CLCN4: variants seen among roughly 807,000 people sequenced by gnomAD.
CLCN4 encodes Cl-/H+ antiporter 4, also known as H(+)/Cl(-) exchange transporter 4.
CLCN4 carries 1 observed loss-of-function variant against 41.7 expected under a neutral mutation model. The ratio of observed to expected loss-of-function variants is 0.02; its 90% CI spans 0.01 to 0.11. The LOEUF is 0.11. Among genes scored for constraint, CLCN4 ranks in the 10% least tolerant of loss-of-function variants. The pLI is 1.00. For synonymous variants in CLCN4, 277 were observed against 285.8 expected (o/e 0.97, Z 0.31); for missense variants, 287 against 661.0 (o/e 0.43, Z 6.20).
Position 10,176,474 on chromosome X carries a change from C to A in CLCN4, c.-11-8548C>A, listed in dbSNP as rs778596567. Among the ~76,000 whole-genome samples the A allele has an allele frequency of 1.7e-3, 192 of 112,632 alleles. 1 individual carries two copies. Among genetic ancestry groups the A allele is most frequent in the Admixed American group, 3.6e-3 (39 of 10,717 alleles). ...CCGCGAAGCTGAAAAGATTTCCCAC[C>A]TGGACCTTTCTCAGAAACATTTGCA... On this transcript the variant is annotated intron_variant, in intron 2 of 12. Transcript: ENST00000380833.
At chrX:10,161,623 G>T (rs1446551758) in intron 2 of CLCN4, among the ~76,000 whole-genome samples, 2 of 111,413 alleles carry the variant, frequency 1.8e-5, no homozygotes, top group East Asian at 5.7e-4. Context: ...GACTGCTGCT[G>T]CTTTGATTAG....
intron 2 of CLCN4, among the ~76,000 whole-genome samples, chrX:10,184,794 C>G (rs758077723): frequency 8.9e-6 from 1 of 111,935 alleles, no homozygotes; most frequent in Non-Finnish European, 1.9e-5. Flanking sequence ...ACCCTGTATT[C>G]TCTTGGGAAC....
Position 10,213,672 on chromosome X carries a change from C to G in CLCN4, c.1577-9C>G, listed in dbSNP as rs767642024. The G allele has an allele frequency of 3.3e-6, 4 of 1,195,450 alleles. No homozygotes were observed. The African/African-American group carries it at 7.0e-5, about 21-fold the overall frequency. ...CACTTTGGAATCTTACTCCTCCCCT[C>G]TGTTGCAGGTGGAGTTACCAGGATG... is the stretch of plus-strand genomic sequence containing the variant. On this transcript the variant is annotated splice_polypyrimidine_tract_variant and intron_variant, in intron 10 of 12. Coordinates refer to ENST00000380833, the MANE Select transcript of CLCN4 (RefSeq NM_001830.4).
chrX:10,157,132 T>G (rs1274989797), intron 1 of CLCN4, 32 bp downstream of exon 1: 2 of 294,843 alleles, frequency 6.8e-6, no homozygotes, highest in East Asian at 9.6e-5. Flanking sequence ...AAAACAAATT[T>G]GAGAGGAGTG....
Position 10,187,533 on chromosome X carries a change from G to A in CLCN4, c.163G>A (p.Glu55Lys). The A allele has an allele frequency of 8.3e-7, 1 of 1,208,177 alleles. No homozygotes were observed. The highest frequency in any genetic ancestry group is 1.1e-6 in the Non-Finnish European group (1 of 892,228). Residue 55 changes from glutamate (E) to lysine (K), a missense_variant, in exon 4 of 13, where the codon GAG becomes AAG. Coordinates refer to ENST00000380833, the MANE Select transcript of CLCN4 (RefSeq NM_001830.4). The stretch of plus-strand genomic sequence containing the variant: ...GTTCTAGATCACCAGCAAGAGCAAG[G>A]AGTCCATATGGGAGTTCATCAAGAG... Reference protein sequence around the residue: ...RHRKITSKSKESIWEFIKSLL... With the variant: ...RHRKITSKSKKSIWEFIKSLL...
intron 2 of CLCN4, among the ~76,000 whole-genome samples, chrX:10,173,533 C>T (rs759907655): frequency 3.9e-4 from 43 of 111,429 alleles, no homozygotes; most frequent in African/African-American, 1.4e-3. Context: ...CCCCAGCCTC[C>T]CAGTCACGTG....
rs1318245433 is a variant in CLCN4, at chrX:10,214,143, C to T, written c.1975+64C>T. On this transcript the variant is annotated intron_variant, in intron 11 of 12. Transcript: ENST00000380833. The stretch of plus-strand genomic sequence containing the variant: ...CGAATGGCATCCTTTGTACCCCTAA[C>T]ATTATCCAAGATTTTTGAGGTGATG... 6.6e-6 allele frequency: 7 copies of T among 1,056,585 alleles called. No individual in the cohort carries two copies. In the South Asian group the frequency reaches 1.5e-4, roughly 22 times the overall value. 87.1% of individuals were successfully genotyped at this position (1,056,585 alleles called of 1,213,427 possible). A position where few individuals can be genotyped will look rare whatever the true frequency, so the allele number is the denominator to read the frequency against.
Position 10,158,405 on chromosome X carries a change from C to T in CLCN4, c.-158C>T, listed in dbSNP as rs1923007543. ...GGGTCTTCCCCCCACCCCGCGCACA[C>T]CTCCCTGCCTCGCCCCGAGGGCGTC... On this transcript the variant is annotated 5_prime_UTR_variant, in exon 2 of 13. Coordinates refer to ENST00000380833, the MANE Select transcript of CLCN4 (RefSeq NM_001830.4). The T allele has an allele frequency of 3.4e-6, 1 of 297,426 alleles. No homozygotes were observed. The highest frequency in any genetic ancestry group is 2.7e-5 in the African/African-American group (1 of 37,129). The allele number at this position is 297,426 out of a possible 1,213,427, so 24.5% of individuals were successfully genotyped here.
At chrX:10,211,265 CAAAAAAAAAAAAAA>C (rs71774120) in intron 9 of CLCN4, among the ~76,000 whole-genome samples, 1 of 48,808 alleles carries the variant, frequency 2.0e-5, no homozygotes, top group East Asian at 8.8e-4. Flanking sequence ...GATTCCGTCT[CAAAAAAAAAAAAAA>C]AAAAAAAAAG....
intron 11 of CLCN4, among the ~76,000 whole-genome samples, chrX:10,216,744 A>G (rs990201261): frequency 9.5e-6 from 1 of 105,369 alleles, no homozygotes; most frequent in East Asian, 3.1e-4. Flanking sequence ...AAAGGGGTCT[A>G]CATCCAGCAC....
chrX:10,233,044 A>G (rs1325510815), intron 12 of CLCN4, among the ~76,000 whole-genome samples: 1 of 112,219 alleles, frequency 8.9e-6, no homozygotes, highest in Admixed American at 9.5e-5. Flanking sequence ...AAAATTGATT[A>G]TAGTCTTGAA....
At chrX:10,162,618 T>C (rs1923136832) in intron 2 of CLCN4, among the ~76,000 whole-genome samples, 1 of 112,687 alleles carries the variant, frequency 8.9e-6, no homozygotes, top group Non-Finnish European at 1.9e-5. Flanking sequence ...TATGACTTAA[T>C]AGGAGACAGA....
intron 2 of CLCN4, among the ~76,000 whole-genome samples, chrX:10,181,183 C>T (rs147255895): frequency 3.0e-4 from 33 of 110,006 alleles, no homozygotes; most frequent in African/African-American, 1.1e-3. Context: ...CATAGTGAGA[C>T]CCCATCTCTA....
chrX:10,214,434 C>T (rs1304229686), intron 11 of CLCN4, among the ~76,000 whole-genome samples: 1 of 113,315 alleles, frequency 8.8e-6, no homozygotes, highest in Non-Finnish European at 1.9e-5. Flanking sequence ...TGCTGCCTTT[C>T]AGCAATTGTT....
Position 10,212,837 on chromosome X carries a change from G to GCACACACA in CLCN4, c.1576+186_1576+187insCACACACA, listed in dbSNP as rs199932119. Among the ~76,000 whole-genome samples, 407 of 106,582 alleles carry GCACACACA rather than the reference G, an allele frequency of 3.8e-3. 3 individuals are homozygous for GCACACACA. The highest frequency in any genetic ancestry group is 0.013 in the African/African-American group (372 of 28,583). The allele number at this position is 106,582 out of a possible 115,157, so 92.6% of individuals were successfully genotyped here. ...ACCAAGGCTATGTCTCGCTCACTATGCAGACACACACACACACACACAAAC... is the reference window on the plus strand; with the variant it reads ...ACCAAGGCTATGTCTCGCTCACTATGCACACACACAGACACACACACACACACACAAAC... On this transcript the variant is annotated intron_variant, in intron 10 of 12. Transcript: ENST00000380833.
chrX:10,173,628 C>G (rs1003936571), intron 2 of CLCN4, among the ~76,000 whole-genome samples: 1 of 111,802 alleles, frequency 8.9e-6, no homozygotes, highest in African/African-American at 3.3e-5. Flanking sequence ...GGTCTCTTTT[C>G]TTTCTTTGTT....
intron 6 of CLCN4, among the ~76,000 whole-genome samples, chrX:10,201,906 G>A (rs112243810): frequency 2.7e-5 from 3 of 110,807 alleles, no homozygotes; most frequent in Non-Finnish European, 3.8e-5. Context: ...CCAGGAGTTC[G>A]AGGCTGCAGT....
chrX:10,204,183 A>T (rs1356820032), intron 6 of CLCN4, among the ~76,000 whole-genome samples: 2 of 112,132 alleles, frequency 1.8e-5, no homozygotes, highest in African/African-American at 3.2e-5. Flanking sequence ...ATAGGCACCC[A>T]GTTGAATTCT....
chrX:10,199,982 C>T (rs989893608), intron 6 of CLCN4, among the ~76,000 whole-genome samples: 11 of 111,451 alleles, frequency 9.9e-5, no homozygotes, highest in African/African-American at 3.6e-4. Flanking sequence ...TTGGCCTAGC[C>T]TCATGTGATC....
Sources: allele counts gnomAD v4.1 joint callset (sites outside exome capture counted in the v4.1 genomes callset), GRCh38; gene constraint gnomAD v4.1.1; transcripts MANE v1.5; gene names NCBI Gene and HGNC (gene_info 2026-07-23, HGNC 2026-07-21).